NLRP3: variants seen among roughly 807,000 people sequenced by gnomAD.
NLRP3 encodes the protein NLR family pyrin domain containing 3.
NLRP3 carries 48 observed loss-of-function variants against 91.3 expected under a neutral mutation model. That is an observed-to-expected ratio of 0.53 (90% CI 0.42 to 0.67). The LOEUF (loss-of-function observed/expected upper bound fraction) is 0.67. Among genes scored for constraint, NLRP3 ranks in the 30% least tolerant of loss-of-function variants. NLRP3 has a pLI of 0.00. For missense variants in NLRP3, 982 were observed against 1,276.9 expected (o/e 0.77, Z 3.52); for synonymous variants, 561 against 507.9 (o/e 1.10, Z -1.41).
intron 7 of NLRP3, among the ~76,000 whole-genome samples, chr1:247,436,900 T>C (rs926021601): frequency 6.6e-6 from 1 of 152,238 alleles, no homozygotes; most frequent in Non-Finnish European, 1.5e-5. Flanking sequence ...TTCATGTTCT[T>C]ACATGGATTT....
At chr1:247,422,277 G>T (rs1439230580) in intron 2 of NLRP3, among the ~76,000 whole-genome samples, 2 of 151,876 alleles carry the variant, frequency 1.3e-5, no homozygotes, top group African/African-American at 4.8e-5. Context: ...TGTTCTGGAG[G>T]CTGAGGTGGG....
In NLRP3 at chr1:247,441,220, C is replaced by T. The variant is rs1230077047; in HGVS notation, c.2664-2752C>T. Among the ~76,000 whole-genome samples the T allele has an allele frequency of 5.2e-5, 6 of 115,708 alleles. No individual in the cohort carries two copies. In the South Asian group the frequency reaches 1.3e-3, roughly 26 times the overall value. 75.9% of individuals were successfully genotyped at this position (115,708 alleles called of 152,430 possible). A position where few individuals can be genotyped will look rare whatever the true frequency, so the allele number is the denominator to read the frequency against. ...CCCCCCCCCTTTCCCTTTCCCCTTT[C>T]CTTTCCTTATTTTCCTTTCTTTTCT... On this transcript the variant is annotated intron_variant, in intron 7 of 9. Coordinates refer to ENST00000336119, the MANE Select transcript of NLRP3 (RefSeq NM_001243133.2).
intron 7 of NLRP3, among the ~76,000 whole-genome samples, chr1:247,439,210 C>T (rs932629633): frequency 6.6e-6 from 1 of 152,142 alleles, no homozygotes; most frequent in Non-Finnish European, 1.5e-5. Context: ...ATTTGTAATA[C>T]ATTGTTATGT....
intron 3 of NLRP3, 29 bp from the exon 4 acceptor site, chr1:247,423,818 T>G: frequency 6.2e-7 from 1 of 1,603,602 alleles, no homozygotes; most frequent in Non-Finnish European, 8.5e-7. Context: ...TGTGTATACT[T>G]TCCCCCTAAC....
At chr1:247,435,756 G>C (rs1663744660) in intron 6 of NLRP3, among the ~76,000 whole-genome samples, 1 of 152,188 alleles carries the variant, frequency 6.6e-6, no homozygotes, top group African/African-American at 2.4e-5. Flanking sequence ...TGAATGTAGG[G>C]AGCTGGGAAG....
intron 3 of NLRP3, 147 bp from the exon 4 acceptor site, chr1:247,423,700 G>A (rs1328507158): frequency 6.4e-6 from 5 of 779,008 alleles, no homozygotes; most frequent in East Asian, 2.7e-5. Flanking sequence ...AGAGATTCTC[G>A]GCACCTTTCC....
chr1:247,428,211 G>T lies in NLRP3; in HGVS notation c.2151-1374G>T, dbSNP rs556992277. ...ACAGACTCTGACGGGAGCCCTGGTA[G>T]GGGGCTCAGCACCCATCCCTCTAGA... is the stretch of plus-strand genomic sequence containing the variant. On this transcript the variant is annotated intron_variant, in intron 4 of 9. Coordinates refer to ENST00000336119, the MANE Select transcript of NLRP3 (RefSeq NM_001243133.2). Among the ~76,000 whole-genome samples the T allele has an allele frequency of 1.5e-4, 23 of 151,496 alleles. No individual in the cohort carries two copies. The South Asian group carries it at 3.7e-3, about 25-fold the overall frequency.
intron 7 of NLRP3, among the ~76,000 whole-genome samples, chr1:247,441,200 CCCCTTTCCCTTT>C (rs1664218938): frequency 9.2e-6 from 1 of 108,708 alleles, no homozygotes; most frequent in Non-Finnish European, 1.9e-5. Flanking sequence ...CCCTCCCCCC[CCCCTTTCCCTTT>C]CCCCTTTCCT....
At position 247,425,387 on chromosome 1, in the gene NLRP3, C is replaced by G; in HGVS notation, c.1938C>G (p.Asp646Glu). The G allele has an allele frequency of 6.2e-7, 1 of 1,614,194 alleles. No homozygotes were observed. Among genetic ancestry groups the G allele is most frequent in the Non-Finnish European group, 8.5e-7 (1 of 1,180,036 alleles). Reference protein sequence around the residue: ...QEEDFVQRAMDYFPKIEINLS... With the variant: ...QEEDFVQRAMEYFPKIEINLS... ...AGGACTTCGTGCAAAGGGCCATGGACTATTTCCCCAAGATTGAGATCAATC... is the reference window on the plus strand; with the variant it reads ...AGGACTTCGTGCAAAGGGCCATGGAGTATTTCCCCAAGATTGAGATCAATC... The change falls in exon 4 of 10, where the codon GAC becomes GAG. Residue 646 changes from aspartate (D) to glutamate (E), a missense_variant. Asp to Glu is a conservative substitution (Grantham distance 45, BLOSUM62 2). Around this residue, in one of 5 missense-constraint regions of NLRP3, gnomAD observed 373 missense variants for 431.5 expected, o/e 0.86. Transcript: ENST00000336119. The surrounding 1 kb of genome is among the most constrained non-coding windows in gnomAD (Gnocchi z 4.1).
At chr1:247,419,383 G>A (rs188866183) in intron 2 of NLRP3, among the ~76,000 whole-genome samples, 170 of 152,066 alleles carry the variant, frequency 1.1e-3, no homozygotes, top group Non-Finnish European at 1.8e-3. Context: ...TCAAACTCCC[G>A]ACCTCAGGTG....
intron 7 of NLRP3, among the ~76,000 whole-genome samples, chr1:247,437,609 C>G (rs1322764331): frequency 6.6e-6 from 1 of 152,294 alleles, no homozygotes; most frequent in African/African-American, 2.4e-5. Context: ...TGATTTTGTC[C>G]CTTCATTTTG....
rs980680043 is a variant in NLRP3 at position 247,425,411 on chromosome 1, T to C, written c.1962T>C (p.Asn654=). 3.1e-6 allele frequency: 5 copies of C among 1,614,184 alleles called. No homozygotes were observed. The highest frequency in any genetic ancestry group is 4.2e-6 in the Non-Finnish European group (5 of 1,180,032). ...ACTATTTCCCCAAGATTGAGATCAA[T>C]CTCTCCACCAGAATGGACCACATGG... is the stretch of plus-strand genomic sequence containing the variant. ...AMDYFPKIEI[N]LSTRMDHMVS... Residue 654 remains asparagine (N), a synonymous_variant, in exon 4 of 10, where the codon AAT becomes AAC. Coordinates refer to ENST00000336119, the MANE Select transcript of NLRP3 (RefSeq NM_001243133.2). This position sits in a 1 kb window ranked among gnomAD's most constrained non-coding sequence, Gnocchi z 4.1.
rs1265145293 is a variant in NLRP3, at chr1:247,434,422, T to C, written c.2492+149T>C. ...TGTGCTTGTCTTGGGGTGTCTAGCA[T>C]TGCGGTCAGTGAGTGTTTGTCGTGG... On this transcript the variant is annotated intron_variant, in intron 6 of 9. Transcript: ENST00000336119. 3.8e-6 allele frequency: 3 copies of C among 794,046 alleles called. No homozygotes were observed. In the African/African-American group the frequency reaches 5.1e-5, roughly 14 times the overall value. The allele number at this position is 794,046 out of a possible 1,614,324, so 49.2% of individuals were successfully genotyped here.
In NLRP3 at chr1:247,439,255, T is replaced by A. The variant is rs78781884; in HGVS notation, c.2663+3115T>A. Among the ~76,000 whole-genome samples, 67 of 152,338 alleles carry A rather than the reference T, an allele frequency of 4.4e-4. No homozygotes were observed. In the East Asian group the frequency reaches 0.012, roughly 27 times the overall value. The stretch of plus-strand genomic sequence containing the variant: ...AATGCCTAGTCTGTTAGAGCTACTG[T>A]AATAAAGTATCACAAACAGAGCAGC... On this transcript the variant is annotated intron_variant, in intron 7 of 9. Coordinates refer to ENST00000336119, the MANE Select transcript of NLRP3 (RefSeq NM_001243133.2).
chr1:247,448,782 T>C lies in NLRP3; in HGVS notation c.*278T>C, dbSNP rs1664766733. On this transcript the variant is annotated 3_prime_UTR_variant, in exon 10 of 10. Transcript: ENST00000336119. ...GGATGTTCCTCTTGGTGACCTCATG[T>C]AATTAGCTCATTCAATAAAGCACTT... 2.1e-6 allele frequency: 1 copy of C among 482,852 alleles called. No homozygotes were observed. Among genetic ancestry groups the C allele is most frequent in the Admixed American group, 3.4e-5 (1 of 29,632 alleles). 29.9% of individuals were successfully genotyped at this position (482,852 alleles called of 1,614,324 possible).
intron 5 of NLRP3, among the ~76,000 whole-genome samples, chr1:247,431,089 CAGG>C (rs1663283654): frequency 6.6e-6 from 1 of 152,070 alleles, no homozygotes; most frequent in Admixed American, 6.5e-5. Flanking sequence ...GAGGCTGAGG[CAGG>C]AGAACTGTGT....
intron 9 of NLRP3, 84 bp from the exon 10 acceptor site, chr1:247,448,321 A>G (rs899278270): frequency 1.4e-6 from 1 of 729,752 alleles, no homozygotes; most frequent in Admixed American, 1.8e-5. Context: ...GTTTAGGGAA[A>G]TGAAGAGATG....
Position 247,424,754 on chromosome 1 carries a change from G to A in NLRP3, c.1305G>A (p.Lys435=), listed in dbSNP as rs1553286808. ...ESGKSLAQTS[K]TTTAVYVFFL... The stretch of plus-strand genomic sequence containing the variant: ...GCAAGAGCCTTGCCCAGACATCCAA[G>A]ACCACCACCGCGGTGTACGTCTTCT... Residue 435 remains lysine (K), a synonymous_variant, in exon 4 of 10, where the codon AAG becomes AAA. Coordinates refer to ENST00000336119, the MANE Select transcript of NLRP3 (RefSeq NM_001243133.2). The surrounding 1 kb of genome is among the most constrained non-coding windows in gnomAD (Gnocchi z 8.1). The A allele has an allele frequency of 1.2e-6, 2 of 1,613,234 alleles. No homozygotes were observed. The highest frequency in any genetic ancestry group is 1.1e-5 in the South Asian group (1 of 91,084).
At chr1:247,445,751 T>G (rs12745606) in intron 9 of NLRP3, among the ~76,000 whole-genome samples, 1 of 152,296 alleles carries the variant, frequency 6.6e-6, no homozygotes, top group Admixed American at 6.5e-5. Flanking sequence ...TTTCTCCTAT[T>G]TCATCAGATC....
Sources: allele counts gnomAD v4.1 joint callset (sites outside exome capture counted in the v4.1 genomes callset), GRCh38; gene constraint gnomAD v4.1.1; regional missense constraint gnomAD v4.1.1; non-coding constraint Gnocchi (gnomAD v3.1); transcripts MANE v1.5; gene names NCBI Gene and HGNC (gene_info 2026-07-23, HGNC 2026-07-21).